Variants in TTC14 observed in about 807,000 individuals in gnomAD.
TTC14 encodes tetratricopeptide repeat domain 14.
TTC14 carries 63 observed loss-of-function variants against 79.9 expected under a neutral mutation model. The observed-to-expected ratio is 0.79, with a 90% CI of 0.64 to 0.97. The LOEUF is 0.97. TTC14 is among the 50% of genes least tolerant of loss of function. The pLI is 0.00. For synonymous variants in TTC14, 335 were observed against 309.6 expected, an observed-to-expected ratio of 1.08 and a Z score of -0.86; for missense variants, 895 against 894.0, an observed-to-expected ratio of 1.00 and a Z score of -0.01.
At chr3:180,602,490 C>G in intron 1 of TTC14, 68 bp downstream of exon 1, 1 of 1,498,308 alleles carries the variant, frequency 6.7e-7, no homozygotes. Flanking sequence ...CTACCGCAGC[C>G]CCGGGTTTGC....
intron 10 of TTC14, chr3:180,608,394 C>CT (rs34053470): frequency 0.026 from 22,886 of 873,806 alleles, 4 homozygotes; most frequent in African/African-American, 0.03. Context: ...TTTTTATGTA[C>CT]TTTTTTTTTT....
rs985403141 is a variant in TTC14, at chr3:180,611,030, C to A, written c.*488C>A. 4 of 937,656 alleles carry A rather than the reference C, an allele frequency of 4.3e-6. No individual in the cohort carries two copies. The African/African-American group carries it at 7.1e-5, about 17-fold the overall frequency. 58.1% of individuals were successfully genotyped at this position (937,656 alleles called of 1,614,324 possible). A position where few individuals can be genotyped will look rare whatever the true frequency, so the allele number is the denominator to read the frequency against. On this transcript the variant is annotated 3_prime_UTR_variant, in exon 12 of 12. Coordinates refer to ENST00000296015, the MANE Select transcript of TTC14 (RefSeq NM_133462.4). ...TTTATATTTATCAGTTTAAATATTA[C>A]ATTTTTTGCCCAATTTTTTTTAAAA...
exon 13 of TTC14, chr3:180,617,812 T>A: frequency 4.4e-6 from 1 of 225,668 alleles, no homozygotes; most frequent in Non-Finnish European, 8.6e-6. Context: ...ATAAAATTAT[T>A]TTTATGAATT....
At chr3:180,612,972 C>T (rs78964488), downstream of TTC14, among the ~76,000 whole-genome samples, 75 of 152,102 alleles carry the variant, frequency 4.9e-4, no homozygotes, top group East Asian at 8.3e-3. Flanking sequence ...GGCCAAGAAG[C>T]GTATGAAATA....
chr3:180,608,166 G>T, intron 10 of TTC14: 1 of 1,002,512 alleles, frequency 1.0e-6, no homozygotes, highest in Non-Finnish European at 1.2e-6. Flanking sequence ...TTGGACCATT[G>T]CTGCTGTGTC....
chr3:180,608,043 A>G (rs537554792), intron 10 of TTC14: 27 of 1,112,130 alleles, frequency 2.4e-5, no homozygotes, highest in Non-Finnish European at 2.6e-5. Flanking sequence ...TGGTTTTTAA[A>G]TTATTGTTGC....
rs779225393 is a variant in TTC14 at position 180,610,423 on chromosome 3, C to T, written c.2194C>T (p.Leu732=). The change falls in exon 12 of 12, where the codon CTA becomes TTA. Residue 732 remains leucine, a synonymous_variant. Transcript: ENST00000296015. The stretch of plus-strand genomic sequence containing the variant: ...AACAGAGGTTCCAGAAGAAGATGCA[C>T]TAAGTAGCAAAGAACACTCAGAAAG... ...IKTEVPEEDA[L]SSKEHSESSV... is the part of the protein sequence containing the mutation. The T allele has an allele frequency of 6.2e-7, 1 of 1,613,610 alleles. No individual in the cohort carries two copies. The highest frequency in any genetic ancestry group is 1.7e-5 in the Admixed American group (1 of 59,972).
At chr3:180,605,567 C>A (rs950952683) in intron 6 of TTC14, 199 bp from the exon 7 acceptor site, 121 of 452,244 alleles carry the variant, frequency 2.7e-4, no homozygotes, top group Non-Finnish European at 2.4e-4. Flanking sequence ...AGGCGTGAGC[C>A]ACCGCACCTG....
Position 180,610,712 on chromosome 3 carries a change from G to C in TTC14, c.*170G>C. ...TTCTCAAATTTTGTTTCAGTTCTAG[G>C]TCCCTTGTCACAGCTTGGTTTTTAG... On this transcript the variant is annotated 3_prime_UTR_variant, in exon 12 of 12. Transcript: ENST00000296015. The C allele has an allele frequency of 1.5e-6, 2 of 1,347,422 alleles. No individual in the cohort carries two copies. Among genetic ancestry groups the C allele is most frequent in the Non-Finnish European group, 1.9e-6 (2 of 1,052,588 alleles). The allele number at this position is 1,347,422 out of a possible 1,614,324, so 83.5% of individuals were successfully genotyped here. A position where few individuals can be genotyped will look rare whatever the true frequency, so the allele number is the denominator to read the frequency against.
intron 7 of TTC14, 66 bp downstream of exon 7, chr3:180,605,903 G>A: frequency 6.8e-7 from 1 of 1,470,684 alleles, no homozygotes; most frequent in Non-Finnish European, 9.2e-7. Flanking sequence ...AGGCAAGCAT[G>A]CTTATATCAT....
intron 12 of TTC14, chr3:180,616,698 G>A (rs1459456395): frequency 6.3e-7 from 1 of 1,584,286 alleles, no homozygotes; most frequent in Non-Finnish European, 8.6e-7. Flanking sequence ...TTTGCACACT[G>A]TTGGTAAATA....
At chr3:180,608,522 T>C (rs551904216) in intron 10 of TTC14, 179 bp from the exon 11 acceptor site, 3 of 1,202,610 alleles carry the variant, frequency 2.5e-6, no homozygotes, top group East Asian at 4.2e-5. Flanking sequence ...CAATGACTAA[T>C]GCCAAACATC....
Position 180,609,646 on chromosome 3 carries a change from A to C in TTC14, c.1417A>C (p.Arg473=). 1 of 1,561,192 alleles carries C rather than the reference A, an allele frequency of 6.4e-7. No homozygotes were observed. The highest frequency in any genetic ancestry group is 8.6e-7 in the Non-Finnish European group (1 of 1,160,524). ...KEEKRLKKKR[R]KSTSSSSVSS... Reference sequence around the variant, plus strand: ...TTTTTTTAGGCTAAAGAAGAAAAGAAGAAAATCAACTTCTTCTTCAAGTGT... The same window carrying C: ...TTTTTTTAGGCTAAAGAAGAAAAGACGAAAATCAACTTCTTCTTCAAGTGT... Residue 473 remains arginine (R), a synonymous_variant, in exon 12 of 12, where the codon AGA becomes CGA. Transcript: ENST00000296015.
chr3:180,602,362 TCCTGGGGTCGGCCGCCGAGCCAG>T lies in TTC14; in HGVS notation c.104_126del (p.Leu35ProfsTer18). On this transcript the variant is annotated frameshift_variant, in exon 1 of 12. Coordinates refer to ENST00000296015, the MANE Select transcript of TTC14 (RefSeq NM_133462.4). LOFTEE classifies it high-confidence loss of function. The stretch of plus-strand genomic sequence containing the variant: ...CAGGACAATCCACACTTCCGTAGCC[TCCTGGGGTCGGCCGCCGAGCCAG>T]CCCGGGGCCCGCCGCCCCAGCACCC... The T allele has an allele frequency of 6.2e-7, 1 of 1,612,160 alleles. No homozygotes were observed. Among genetic ancestry groups the T allele is most frequent in the Non-Finnish European group, 8.5e-7 (1 of 1,179,748 alleles).
chr3:180,607,418 A>C (rs1254534699), intron 9 of TTC14, among the ~76,000 whole-genome samples: 1 of 152,188 alleles, frequency 6.6e-6, no homozygotes, highest in Non-Finnish European at 1.5e-5. Flanking sequence ...GTATTACTGC[A>C]AAAATGTGCC....
rs1210710177 is a variant in TTC14, at chr3:180,610,517, A to G, written c.2288A>G (p.Glu763Gly). ...AATCAGATAGCTGAATTTGAAAAAG[A>G]AAAAGGAAATAAGTCAAAAAATTAA... ...IFNQIAEFEK[E>G]KGNKSKN Residue 763 changes from glutamate (E) to glycine (G), a missense_variant, in exon 12 of 12, where the codon GAA becomes GGA. Physicochemically the swap from Glu to Gly is moderately conservative, Grantham distance 98. Transcript: ENST00000296015. The G allele has an allele frequency of 6.3e-7, 1 of 1,577,608 alleles. No individual in the cohort carries two copies. The highest frequency in any genetic ancestry group is 8.6e-7 in the Non-Finnish European group (1 of 1,168,744).
At chr3:180,602,726 A>G (rs1716437855) in intron 1 of TTC14, 165 bp from the exon 2 acceptor site, 8 of 824,944 alleles carry the variant, frequency 9.7e-6, no homozygotes, top group Non-Finnish European at 1.5e-5. Flanking sequence ...CTCCACCTCC[A>G]GGTTGGTTAA....
At chr3:180,606,928 G>A (rs1049927976) in intron 9 of TTC14, among the ~76,000 whole-genome samples, 7 of 152,072 alleles carry the variant, frequency 4.6e-5, no homozygotes, top group South Asian at 4.1e-4. Context: ...TACTTACTAG[G>A]TGGATAACTA....
Position 180,602,897 on chromosome 3 carries a change from G to C in TTC14, c.168G>C (p.Glu56Asp), listed in dbSNP as rs1560069922. The C allele has an allele frequency of 6.2e-7, 1 of 1,606,606 alleles. No individual in the cohort carries two copies. The highest frequency in any genetic ancestry group is 2.2e-5 in the East Asian group (1 of 44,814). Residue 56 changes from glutamate to aspartate, a missense_variant, in exon 2 of 12, where the codon GAG (glutamate) becomes GAC (aspartate). Physicochemically the swap from Glu to Asp is conservative, Grantham distance 45. Transcript: ENST00000296015. ...ATATTTTTTTCTTTTTAAGAAAAGAGAAGAGAGTTGACAACATCGAGATAC... is the reference window on the plus strand; with the variant it reads ...ATATTTTTTTCTTTTTAAGAAAAGACAAGAGAGTTGACAACATCGAGATAC... ...PPQHPLQGRK[E>D]KRVDNIEIQK...
Sources: allele counts gnomAD v4.1 joint callset (sites outside exome capture counted in the v4.1 genomes callset), GRCh38; gene constraint gnomAD v4.1.1; transcripts MANE v1.5; gene names NCBI Gene and HGNC (gene_info 2026-07-23, HGNC 2026-07-21).